EIF4ENIF1: variants seen among roughly 807,000 people sequenced by gnomAD.
EIF4ENIF1 encodes eukaryotic translation initiation factor 4E transporter.
EIF4ENIF1 carries 23 observed loss-of-function variants against 110.5 expected under a neutral mutation model. The observed-to-expected ratio is 0.21, with a 90% confidence interval of 0.15 to 0.29. The LOEUF (loss-of-function observed/expected upper bound fraction) is 0.29. Among genes scored for constraint, EIF4ENIF1 ranks in the 10% least tolerant of loss-of-function variants. The probability of loss-of-function intolerance (pLI) is 1.00; values close to 1 mark genes in which losing one functional copy is unlikely to be tolerated. For synonymous variants in EIF4ENIF1, 440 were observed against 437.0 expected, an observed-to-expected ratio of 1.01 and a Z score of -0.09; for missense variants, 1,031 against 1,221.1, an observed-to-expected ratio of 0.84 and a Z score of 2.32.
At position 31,442,128 on chromosome 22, in the gene EIF4ENIF1, A is replaced by C; in HGVS notation, c.2207-10T>G. 1.9e-6 allele frequency: 3 copies of C among 1,585,634 alleles called. No individual in the cohort carries two copies. In the South Asian group the frequency reaches 3.4e-5, roughly 18 times the overall value. On this transcript the variant is annotated splice_polypyrimidine_tract_variant and intron_variant, in intron 16 of 18. Coordinates refer to ENST00000330125, the MANE Select transcript of EIF4ENIF1 (RefSeq NM_019843.4). ...GATGACAGGAGGTTTTCTGTGAGGA[A>C]CCAAACAAAAAATATTTTGGCAAAC...
At chr22:31,459,726 T>C (rs2050933238) in intron 6 of EIF4ENIF1, among the ~76,000 whole-genome samples, 1 of 150,262 alleles carries the variant, frequency 6.7e-6, no homozygotes, top group African/African-American at 2.5e-5. Flanking sequence ...TGCTAACATT[T>C]AAGGCATCTG....
chr22:31,464,337 C>A, intron 4 of EIF4ENIF1: 1 of 204,528 alleles, frequency 4.9e-6, no homozygotes. Flanking sequence ...GTCTCTTCAA[C>A]AAAATGGTGT....
intron 3 of EIF4ENIF1, among the ~76,000 whole-genome samples, chr22:31,470,250 G>A (rs576160183): frequency 4.0e-4 from 1 of 2,496 alleles, no homozygotes; most frequent in Admixed American, 8.3e-3. Context: ...ATCAGGGAAT[G>A]TGGTATGAGG....
chr22:31,449,212 G>A (rs566688373), intron 12 of EIF4ENIF1, 136 bp downstream of exon 12: 6 of 792,992 alleles, frequency 7.6e-6, no homozygotes, highest in Admixed American at 2.9e-5. Flanking sequence ...GTTTCACCAC[G>A]TTGGCCAGGC....
intron 10 of EIF4ENIF1, 120 bp from the exon 11 acceptor site, chr22:31,450,480 A>G (rs2050612385): frequency 1.4e-6 from 1 of 725,732 alleles, no homozygotes; most frequent in Non-Finnish European, 2.3e-6. Context: ...ATGATACTCA[A>G]GTCACAGAAA....
rs901965999 is a variant in EIF4ENIF1, at chr22:31,439,465, A to C, written c.*415T>G. 1.8e-5 allele frequency: 3 copies of C among 162,212 alleles called. No individual in the cohort carries two copies. Among genetic ancestry groups the C allele is most frequent in the African/African-American group, 7.2e-5 (3 of 41,662 alleles). The allele number at this position is 162,212 out of a possible 1,614,324, so 10.0% of individuals were successfully genotyped here. ...CAAACTGTTGACACAGGCCTAACTA[A>C]TATCAGCTACTTTTATGTACAGCTG... On this transcript the variant is annotated 3_prime_UTR_variant, in exon 19 of 19. Transcript: ENST00000330125.
At chr22:31,491,901 T>C (rs916672294), upstream of EIF4ENIF1, among the ~76,000 whole-genome samples, 5 of 152,160 alleles carry the variant, frequency 3.3e-5, no homozygotes, top group Non-Finnish European at 7.3e-5. Context: ...TTACCTACTG[T>C]TACGTAACAA....
chr22:31,482,699 A>C (rs1437440482), intron 2 of EIF4ENIF1, among the ~76,000 whole-genome samples: 2 of 151,436 alleles, frequency 1.3e-5, no homozygotes, highest in South Asian at 2.1e-4. Context: ...AACAAAAAAA[A>C]ACAGATTAGT....
chr22:31,448,031 G>A (rs573144335), intron 13 of EIF4ENIF1, 122 bp downstream of exon 13: 26 of 1,067,050 alleles, frequency 2.4e-5, no homozygotes, highest in East Asian at 7.2e-5. Context: ...TTACGGGCAT[G>A]AGCCACTATG....
chr22:31,476,814 C>T (rs2051588345), intron 2 of EIF4ENIF1, among the ~76,000 whole-genome samples: 1 of 150,656 alleles, frequency 6.6e-6, no homozygotes, highest in African/African-American at 2.4e-5. Flanking sequence ...CCAGCCTGGA[C>T]AACAGAGTAA....
intron 10 of EIF4ENIF1, among the ~76,000 whole-genome samples, chr22:31,453,698 T>G (rs948770046): frequency 6.6e-6 from 1 of 152,196 alleles, no homozygotes; most frequent in South Asian, 2.1e-4. Context: ...TACAAATGAT[T>G]TGTATGACTG....
chr22:31,492,532 C>T (rs934968109), upstream of EIF4ENIF1, among the ~76,000 whole-genome samples: 1 of 152,184 alleles, frequency 6.6e-6, no homozygotes, highest in African/African-American at 2.4e-5. Flanking sequence ...TTGGCCTCAA[C>T]TCATTTCTTA....
At chr22:31,466,959 C>G (rs551119389) in intron 4 of EIF4ENIF1, among the ~76,000 whole-genome samples, 110 of 152,248 alleles carry the variant, frequency 7.2e-4, no homozygotes, top group African/African-American at 2.6e-3. Context: ...TGTACTTTTA[C>G]AGAATTTCTG....
intron 5 of EIF4ENIF1, 80 bp from the exon 6 acceptor site, chr22:31,463,213 T>G: frequency 7.3e-7 from 1 of 1,363,824 alleles, no homozygotes; most frequent in South Asian, 1.3e-5. Context: ...GTTGTAATGT[T>G]CAATAGTGAA....
intron 7 of EIF4ENIF1, among the ~76,000 whole-genome samples, chr22:31,456,368 C>T (rs571888692): frequency 8.5e-4 from 129 of 151,790 alleles, no homozygotes; most frequent in Middle Eastern, 3.4e-3. Flanking sequence ...GGACTACAGG[C>T]GCCTGCCACC....
In EIF4ENIF1 at chr22:31,463,724, C is replaced by T; in HGVS notation, c.542G>A (p.Arg181Lys). 1 of 1,612,364 alleles carries T rather than the reference C, an allele frequency of 6.2e-7. No individual in the cohort carries two copies. The highest frequency in any genetic ancestry group is 8.5e-7 in the Non-Finnish European group (1 of 1,179,224). The change falls in exon 5 of 19, where the codon AGA (arginine) becomes AAA (lysine). Residue 181 changes from arginine (R) to lysine (K), a missense_variant. Arg to Lys is a conservative substitution (Grantham distance 26). Transcript: ENST00000330125. ...RLSDKDLRDLRDRDRERDFKD... is the reference protein window; with the variant it reads ...RLSDKDLRDLKDRDRERDFKD... ...GAAGTCCCTCTCTCGGTCTCTGTCT[C>T]TCAAGTCCCGCAGGTCCTTATCGCT... is the stretch of plus-strand genomic sequence containing the variant.
At chr22:31,466,996 A>T (rs1218630755) in intron 4 of EIF4ENIF1, among the ~76,000 whole-genome samples, 1 of 152,212 alleles carries the variant, frequency 6.6e-6, no homozygotes, top group African/African-American at 2.4e-5. Context: ...CAAACACAGG[A>T]TACAATATGG....
At chr22:31,473,783 C>T (rs1002203586) in intron 2 of EIF4ENIF1, among the ~76,000 whole-genome samples, 5 of 152,184 alleles carry the variant, frequency 3.3e-5, no homozygotes, top group Non-Finnish European at 7.3e-5. Context: ...TCTAGTTTCT[C>T]TACTATTTAG....
rs1601565253 is a variant in EIF4ENIF1, at chr22:31,446,661, G to A, written c.1988+765C>T. Among the ~76,000 whole-genome samples the A allele has an allele frequency of 3.3e-5, 5 of 152,282 alleles. No individual in the cohort carries two copies. The East Asian group carries it at 9.6e-4, about 29-fold the overall frequency. ...ATTAAGGTAGTGATTACTTTTAAAG[G>A]CTGGACAGTGGAGAGTTCTGAGGAG... On this transcript the variant is annotated intron_variant, in intron 14 of 18. Transcript: ENST00000330125.
Sources: gnomAD v4.1 joint callset for allele counts (sites outside exome capture counted in the v4.1 genomes callset) on GRCh38, gnomAD v4.1.1 for gene constraint, MANE v1.5 for transcripts, NCBI Gene and HGNC (gene_info 2026-07-23, HGNC 2026-07-21) for gene names.